The following ATRNL1 variants were observed in gnomAD, a reference collection of about 807,000 sequenced individuals.
ATRNL1 encodes attractin-like protein 1.
In ATRNL1, 95 loss-of-function variants were observed where a neutral mutation model predicts 182.7. The ratio of observed to expected loss-of-function variants is 0.52; its 90% confidence interval spans 0.44 to 0.62. The LOEUF (loss-of-function observed/expected upper bound fraction) is 0.62, where lower values mean the gene tolerates loss of function less well. Among genes scored for constraint, ATRNL1 ranks in the 20% least tolerant of loss-of-function variants. ATRNL1 has a pLI of 0.00. For synonymous variants in ATRNL1, 576 were observed against 568.3 expected (o/e 1.01, Z -0.19); for missense variants, 1,471 against 1,679.5 (o/e 0.88, Z 2.17).
At chr10:115,483,997 G>A (rs1216175222) in intron 24 of ATRNL1, among the ~76,000 whole-genome samples, 1 of 151,534 alleles carries the variant, frequency 6.6e-6, no homozygotes, top group East Asian at 1.9e-4. Context: ...GTAAGAATTT[G>A]TAAGAATACA....
intron 27 of ATRNL1, among the ~76,000 whole-genome samples, chr10:115,764,944 G>A (rs561698362): frequency 1.3e-5 from 2 of 152,278 alleles, no homozygotes; most frequent in Admixed American, 1.3e-4. Context: ...AAATCGCTGG[G>A]ATTATAGGCA....
chr10:115,835,812 C>G (rs1484385741), intron 27 of ATRNL1, among the ~76,000 whole-genome samples: 1 of 152,162 alleles, frequency 6.6e-6, no homozygotes, highest in Non-Finnish European at 1.5e-5. Flanking sequence ...GGCCATGCCC[C>G]CTCGCTGAGG....
chr10:115,925,747 G>A lies in ATRNL1; in HGVS notation c.4019-18911G>A, dbSNP rs143318045. Among the ~76,000 whole-genome samples, 1,312 of 152,238 alleles carry A rather than the reference G, an allele frequency of 8.6e-3. 8 individuals are homozygous for A. Among genetic ancestry groups the A allele is most frequent in the Middle Eastern group, 0.017 (5 of 294 alleles). On this transcript the variant is annotated intron_variant, in intron 28 of 28. Transcript: ENST00000355044. ...AAGTATACACGCACCCAATACAGGA[G>A]CAGCCAGATTCATAAAACAAGCTCT... is the stretch of plus-strand genomic sequence containing the variant.
intron 26 of ATRNL1, among the ~76,000 whole-genome samples, chr10:115,655,386 A>C (rs1565254444): frequency 6.6e-6 from 1 of 152,186 alleles, no homozygotes; most frequent in Non-Finnish European, 1.5e-5. Flanking sequence ...ATGTTGCCAA[A>C]ATTTCTTTCA....
At chr10:115,629,511 T>C (rs1262292266) in intron 26 of ATRNL1, among the ~76,000 whole-genome samples, 1 of 152,188 alleles carries the variant, frequency 6.6e-6, no homozygotes, top group East Asian at 1.9e-4. Context: ...ACTGAGGAGT[T>C]CTGGATATGG....
chr10:115,288,484 T>G (rs1554919798), intron 15 of ATRNL1, among the ~76,000 whole-genome samples: 1 of 152,110 alleles, frequency 6.6e-6, no homozygotes, highest in African/African-American at 2.4e-5. Context: ...GTTGACCATT[T>G]TTTTCACACT....
intron 28 of ATRNL1, among the ~76,000 whole-genome samples, chr10:115,932,624 T>A (rs1268242320): frequency 6.6e-6 from 1 of 152,192 alleles, no homozygotes; most frequent in Non-Finnish European, 1.5e-5. Context: ...TATATGGAAG[T>A]CATAAATTTG....
chr10:115,495,478 C>T (rs1161990831), intron 24 of ATRNL1, among the ~76,000 whole-genome samples: 1 of 152,074 alleles, frequency 6.6e-6, no homozygotes, highest in Non-Finnish European at 1.5e-5. Context: ...TTCCTCTTAA[C>T]ACTGCTTTAA....
At position 115,467,629 on chromosome 10, in the gene ATRNL1, A is replaced by C. The variant is rs112560098; in HGVS notation, c.3496+377A>C. Among the ~76,000 whole-genome samples, 495 of 150,882 alleles carry C rather than the reference A, an allele frequency of 3.3e-3. 3 individuals carry two copies. The highest frequency in any genetic ancestry group is 0.012 in the African/African-American group (478 of 41,450). The stretch of plus-strand genomic sequence containing the variant: ...TTATTAACCTTAATATTTATATAAA[A>C]CAATGAAATTCTTCTGTACATGCTG... On this transcript the variant is annotated intron_variant, in intron 23 of 28. Coordinates refer to ENST00000355044, the MANE Select transcript of ATRNL1 (RefSeq NM_207303.4).
At chr10:115,415,775 A>G (rs552973605) in intron 20 of ATRNL1, among the ~76,000 whole-genome samples, 77 of 152,032 alleles carry the variant, frequency 5.1e-4, no homozygotes, top group Non-Finnish European at 9.3e-4. Flanking sequence ...TGATAGTTTT[A>G]CAATAGCTAT....
intron 4 of ATRNL1, chr10:115,128,520 AG>A: frequency 3.8e-6 from 2 of 524,266 alleles, no homozygotes; most frequent in South Asian, 1.7e-4. Context: ...TATGTATGCA[AG>A]GGAGAACAAA....
chr10:115,443,311 T>A (rs1433983418), intron 21 of ATRNL1, among the ~76,000 whole-genome samples: 1 of 152,030 alleles, frequency 6.6e-6, no homozygotes, highest in Non-Finnish European at 1.5e-5. Context: ...TTCTTTTGAT[T>A]AGCATTTGCC....
chr10:115,661,430 T>C (rs1555037658), intron 26 of ATRNL1, among the ~76,000 whole-genome samples: 2 of 152,156 alleles, frequency 1.3e-5, no homozygotes, highest in Non-Finnish European at 1.5e-5. Context: ...GTTAGATCAA[T>C]ATGGTTAAAT....
intron 1 of ATRNL1, among the ~76,000 whole-genome samples, chr10:115,106,069 G>A (rs1843997157): frequency 6.6e-6 from 1 of 152,176 alleles, no homozygotes. Flanking sequence ...GCCCATGAAA[G>A]CAGCCAGGAT....
chr10:115,525,830 C>G (rs747937451), intron 25 of ATRNL1, among the ~76,000 whole-genome samples: 2 of 152,118 alleles, frequency 1.3e-5, no homozygotes, highest in African/African-American at 4.8e-5. Context: ...TTTATTTATC[C>G]AGTCTTAACA....
chr10:115,813,116 C>A (rs1338345810), intron 27 of ATRNL1, among the ~76,000 whole-genome samples: 3 of 151,962 alleles, frequency 2.0e-5, no homozygotes, highest in Non-Finnish European at 4.4e-5. Context: ...TTTTGCCCAC[C>A]CTGCCTGGGA....
At chr10:115,437,938 A>C (rs1846481390) in intron 21 of ATRNL1, among the ~76,000 whole-genome samples, 1 of 151,964 alleles carries the variant, frequency 6.6e-6, no homozygotes, top group African/African-American at 2.4e-5. Context: ...GGGTCTCATT[A>C]AGCTTAGTTA....
At chr10:115,651,511 G>A (rs559701907) in intron 26 of ATRNL1, among the ~76,000 whole-genome samples, 1 of 151,990 alleles carries the variant, frequency 6.6e-6, no homozygotes, top group Non-Finnish European at 1.5e-5. Context: ...TTGGCTTTCA[G>A]CAATTTAATC....
At chr10:115,158,454 T>A (rs1265010370) in intron 5 of ATRNL1, among the ~76,000 whole-genome samples, 1 of 151,942 alleles carries the variant, frequency 6.6e-6, no homozygotes, top group Admixed American at 6.6e-5. Context: ...AAAAAAGAGG[T>A]TCCTTTAATA....
Sources: gnomAD v4.1 joint callset for allele counts (sites outside exome capture counted in the v4.1 genomes callset) on GRCh38, gnomAD v4.1.1 for gene constraint, MANE v1.5 for transcripts, NCBI Gene and HGNC (gene_info 2026-07-23, HGNC 2026-07-21) for gene names.